CNTN5: variants seen among roughly 807,000 people sequenced by gnomAD.
CNTN5 encodes contactin 5, also known as contactin-5.
CNTN5 carries 77 observed loss-of-function variants against 129.1 expected under a neutral mutation model. The ratio of observed to expected loss-of-function variants is 0.60; its 90% confidence interval spans 0.50 to 0.72. The LOEUF (loss-of-function observed/expected upper bound fraction) is 0.72, where lower values mean the gene tolerates loss of function less well. Ranked by LOEUF, CNTN5 falls within the 30% of genes least tolerant of loss-of-function variation. The probability of loss-of-function intolerance (pLI) is 0.00; values close to 1 mark genes in which losing one functional copy is unlikely to be tolerated. For missense variants in CNTN5, 1,478 were observed against 1,328.8 expected, an observed-to-expected ratio of 1.11 and a Z score of -1.75; for synonymous variants, 509 against 465.6, an observed-to-expected ratio of 1.09 and a Z score of -1.20.
At chr11:99,407,430 G>A (rs1366227226) in intron 2 of CNTN5, among the ~76,000 whole-genome samples, 1 of 76,174 alleles carries the variant, frequency 1.3e-5, no homozygotes, top group Non-Finnish European at 2.3e-5. Context: ...TATCCAAGAT[G>A]CAAGGCAAAG....
chr11:99,401,565 T>C (rs1464079886), intron 2 of CNTN5, among the ~76,000 whole-genome samples: 1 of 152,180 alleles, frequency 6.6e-6, no homozygotes, highest in Non-Finnish European at 1.5e-5. Flanking sequence ...TTGGTTGTTC[T>C]GTACTTTTGT....
chr11:99,746,969 A>C (rs1438148731), intron 3 of CNTN5, among the ~76,000 whole-genome samples: 1 of 152,186 alleles, frequency 6.6e-6, no homozygotes, highest in African/African-American at 2.4e-5. Flanking sequence ...ATAGCATTGG[A>C]ATTTTGATAG....
chr11:100,289,092 G>T (rs1950881668), intron 18 of CNTN5, among the ~76,000 whole-genome samples: 1 of 151,808 alleles, frequency 6.6e-6, no homozygotes, highest in African/African-American at 2.4e-5. Context: ...ACCAATAACA[G>T]GATCTGAAAT....
At chr11:99,555,632 A>G (rs1441648699) in intron 2 of CNTN5, among the ~76,000 whole-genome samples, 1 of 151,932 alleles carries the variant, frequency 6.6e-6, no homozygotes, top group Non-Finnish European at 1.5e-5. Context: ...TAATCATAGG[A>G]GTTATAAACA....
chr11:100,194,196 A>T (rs960754498), intron 15 of CNTN5, among the ~76,000 whole-genome samples: 6 of 151,970 alleles, frequency 3.9e-5, no homozygotes, highest in African/African-American at 1.4e-4. Context: ...TTGTGTACCT[A>T]CATGGCAATC....
chr11:99,794,180 C>CTTTTTTTTT (rs34449350), intron 3 of CNTN5, among the ~76,000 whole-genome samples: 1 of 141,688 alleles, frequency 7.1e-6, no homozygotes, highest in Non-Finnish European at 1.5e-5. Context: ...CCTTCTTTGT[C>CTTTTTTTTT]TTTTTTTTTT....
intron 4 of CNTN5, among the ~76,000 whole-genome samples, chr11:99,843,672 A>G (rs1057430791): frequency 2.0e-5 from 3 of 152,040 alleles, no homozygotes; most frequent in Admixed American, 6.6e-5. Context: ...TTATTATTAC[A>G]CATTGGAGAG....
At chr11:99,674,981 A>G (rs1013217149) in intron 3 of CNTN5, among the ~76,000 whole-genome samples, 5 of 151,272 alleles carry the variant, frequency 3.3e-5, no homozygotes, top group African/African-American at 1.2e-4. Context: ...ATTATTCCCA[A>G]ATAAATTCAT....
intron 1 of CNTN5, among the ~76,000 whole-genome samples, chr11:99,103,764 C>CAAA (rs35274552): frequency 8.5e-4 from 110 of 128,672 alleles, no homozygotes; most frequent in East Asian, 1.4e-3. Context: ...AGGTGTCCTT[C>CAAA]AAAAAAAAAA....
Position 99,957,017 on chromosome 11 carries a change from G to C in CNTN5, c.877+8G>C. 1 of 1,610,724 alleles carries C rather than the reference G, an allele frequency of 6.2e-7. No individual in the cohort carries two copies. The highest frequency in any genetic ancestry group is 1.1e-5 in the South Asian group (1 of 90,594). On this transcript the variant is annotated splice_region_variant and intron_variant, in intron 8 of 24. Coordinates refer to ENST00000524871, the MANE Select transcript of CNTN5 (RefSeq NM_014361.4). ...TCACTCTGCGTAATGATGGTAAGTTGCTTGGCCCGTTAAAATGGTCAGCCA... is the reference window on the plus strand; with the variant it reads ...TCACTCTGCGTAATGATGGTAAGTTCCTTGGCCCGTTAAAATGGTCAGCCA...
intron 6 of CNTN5, among the ~76,000 whole-genome samples, chr11:99,892,016 C>T (rs529348063): frequency 2.0e-5 from 3 of 152,170 alleles, no homozygotes; most frequent in African/African-American, 7.2e-5. Flanking sequence ...TTTTAATGAT[C>T]GTCATTCTAA....
At chr11:99,273,386 G>A (rs534056625) in intron 1 of CNTN5, among the ~76,000 whole-genome samples, 3 of 151,922 alleles carry the variant, frequency 2.0e-5, no homozygotes, top group Non-Finnish European at 4.4e-5. Context: ...TCAATACTAG[G>A]TCCGCTTCTC....
chr11:99,460,940 A>C (rs1448114683), intron 2 of CNTN5, among the ~76,000 whole-genome samples: 8 of 152,112 alleles, frequency 5.3e-5, no homozygotes, highest in Admixed American at 5.2e-4. Context: ...AAAATTATTC[A>C]TTATAACAAG....
At chr11:99,911,369 C>T (rs1046025466) in intron 6 of CNTN5, among the ~76,000 whole-genome samples, 1 of 151,828 alleles carries the variant, frequency 6.6e-6, no homozygotes, top group Non-Finnish European at 1.5e-5. Context: ...TTTTTCCAAA[C>T]ACACCTCCTA....
At chr11:99,391,740 A>T (rs192066138) in intron 2 of CNTN5, among the ~76,000 whole-genome samples, 1 of 152,046 alleles carries the variant, frequency 6.6e-6, no homozygotes, top group Non-Finnish European at 1.5e-5. Context: ...AGAATTTAGT[A>T]TAAGGGTATT....
At chr11:100,339,730 G>C (rs1952119744) in intron 21 of CNTN5, among the ~76,000 whole-genome samples, 1 of 152,142 alleles carries the variant, frequency 6.6e-6, no homozygotes, top group African/African-American at 2.4e-5. Context: ...GCTACTCTTT[G>C]TTGCACTGAT....
chr11:100,040,577 A>G (rs975775594), intron 9 of CNTN5, among the ~76,000 whole-genome samples: 2 of 152,228 alleles, frequency 1.3e-5, no homozygotes, highest in Non-Finnish European at 2.9e-5. Context: ...GGTGGAGCCT[A>G]CAGAGGCAGG....
At chr11:99,420,890 T>G (rs1942857677) in intron 2 of CNTN5, among the ~76,000 whole-genome samples, 1 of 152,178 alleles carries the variant, frequency 6.6e-6, no homozygotes, top group Non-Finnish European at 1.5e-5. Flanking sequence ...TCAGTATTCC[T>G]GCCCTTTGCT....
chr11:99,637,237 A>T (rs750493144), intron 3 of CNTN5, among the ~76,000 whole-genome samples: 17 of 151,870 alleles, frequency 1.1e-4, no homozygotes, highest in Non-Finnish European at 2.4e-4. Context: ...ATTAGCTATG[A>T]GTAAAGTATG....
Sources: gnomAD v4.1 joint callset for allele counts (sites outside exome capture counted in the v4.1 genomes callset) on GRCh38, gnomAD v4.1.1 for gene constraint, MANE v1.5 for transcripts, NCBI Gene and HGNC (gene_info 2026-07-23, HGNC 2026-07-21) for gene names.